HOOK3: variants seen among roughly 807,000 people sequenced by gnomAD.
HOOK3 encodes protein Hook homolog 3.
In HOOK3, 24 loss-of-function variants were observed where a neutral mutation model predicts 116.3. That is an observed-to-expected ratio of 0.21 (90% CI 0.15 to 0.29). The LOEUF is 0.29. Among genes scored for constraint, HOOK3 ranks in the 10% least tolerant of loss-of-function variants. The pLI is 1.00. For missense variants in HOOK3, 632 were observed against 830.2 expected (o/e 0.76, Z 2.93); for synonymous variants, 275 against 283.0 (o/e 0.97, Z 0.28).
chr8:42,979,745 C>T (rs958406070), intron 13 of HOOK3, among the ~76,000 whole-genome samples: 2 of 152,088 alleles, frequency 1.3e-5, no homozygotes, highest in African/African-American at 2.4e-5. Context: ...TTCTCTTTAC[C>T]GTTTCTAGAC....
At chr8:42,978,332 C>G (rs1335383611) in intron 13 of HOOK3, among the ~76,000 whole-genome samples, 1 of 151,858 alleles carries the variant, frequency 6.6e-6, no homozygotes, top group East Asian at 1.9e-4. Flanking sequence ...CAACCTCTGC[C>G]TACCGGGTTC....
At chr8:42,940,076 G>A (rs554516117) in intron 4 of HOOK3, among the ~76,000 whole-genome samples, 66 of 152,256 alleles carry the variant, frequency 4.3e-4, no homozygotes, top group Non-Finnish European at 7.9e-4. Context: ...CTTCCCAGAC[G>A]GGGCGGCGGC....
At chr8:42,952,864 TG>T (rs933908664) in intron 6 of HOOK3, among the ~76,000 whole-genome samples, 1 of 152,188 alleles carries the variant, frequency 6.6e-6, no homozygotes, top group African/African-American at 2.4e-5. Flanking sequence ...TGCTCTCAAG[TG>T]GTCCTGGGTT....
rs138350852 is a variant in HOOK3, at chr8:43,021,559, C to T, written c.*3061C>T. ...CTCGTGATCTACCCACCTCGGCCTC[C>T]CAAAGTGCTGAGATTACAGGCACGA... On this transcript the variant is annotated 3_prime_UTR_variant, in exon 22 of 22. Transcript: ENST00000307602. The T allele has an allele frequency of 1.5e-3, 260 of 178,498 alleles. No individual in the cohort carries two copies. The highest frequency in any genetic ancestry group is 5.9e-3 in the African/African-American group (249 of 42,392). The allele number at this position is 178,498 out of a possible 1,614,324, so 11.1% of individuals were successfully genotyped here.
intron 2 of HOOK3, among the ~76,000 whole-genome samples, chr8:42,907,485 G>A (rs1479522323): frequency 6.6e-6 from 1 of 152,122 alleles, no homozygotes; most frequent in Non-Finnish European, 1.5e-5. Flanking sequence ...GCCCTGGTTT[G>A]AGCACTCTGA....
intron 8 of HOOK3, among the ~76,000 whole-genome samples, chr8:42,959,769 G>A (rs1482163389): frequency 2.2e-5 from 3 of 135,512 alleles, no homozygotes; most frequent in Admixed American, 2.2e-4. Context: ...TAAAGGTAAA[G>A]TTGAGAATAC....
At chr8:42,923,667 G>A (rs1807706373) in intron 2 of HOOK3, among the ~76,000 whole-genome samples, 1 of 152,134 alleles carries the variant, frequency 6.6e-6, no homozygotes. Flanking sequence ...GAGAGAAGAG[G>A]AAACAGGAGT....
At chr8:42,897,277 C>A in intron 1 of HOOK3, 89 bp downstream of exon 1, 1 of 850,392 alleles carries the variant, frequency 1.2e-6, no homozygotes, top group Non-Finnish European at 1.5e-6. Flanking sequence ...GCGAGCGCTG[C>A]GGGCGACGGT....
chr8:42,942,742 C>A (rs991386436), intron 4 of HOOK3, among the ~76,000 whole-genome samples: 1 of 152,180 alleles, frequency 6.6e-6, no homozygotes, highest in African/African-American at 2.4e-5. Context: ...TGATTGGAAT[C>A]TGAGTTGGGG....
intron 11 of HOOK3, 60 bp from the exon 12 acceptor site, chr8:42,973,229 A>C (rs1234452198): frequency 6.5e-7 from 1 of 1,533,000 alleles, no homozygotes; most frequent in African/African-American, 1.4e-5. Context: ...TGTAGAAGAA[A>C]ATAAGGATAA....
rs571015951 is a variant in HOOK3, at chr8:42,943,525, C to T, written c.400+80C>T. ...TATTTTATATTTTATATATAAATCA[C>T]CAGTACCAACAGTAACATCTGTTTA... On this transcript the variant is annotated intron_variant, in intron 5 of 21. Transcript: ENST00000307602. 979 of 934,542 alleles carry T rather than the reference C, an allele frequency of 1.0e-3. 2 individuals are homozygous for T. The highest frequency in any genetic ancestry group is 1.4e-3 in the Non-Finnish European group (948 of 695,222). 57.9% of individuals were successfully genotyped at this position (934,542 alleles called of 1,614,324 possible). A position where few individuals can be genotyped will look rare whatever the true frequency, so the allele number is the denominator to read the frequency against.
At chr8:42,930,375 G>A (rs1586596152) in intron 4 of HOOK3, among the ~76,000 whole-genome samples, 2 of 152,106 alleles carry the variant, frequency 1.3e-5, no homozygotes, top group African/African-American at 2.4e-5. Context: ...TGTATTATAG[G>A]TAGTTTGTAG....
rs71231878 is a variant in HOOK3 at position 42,953,255 on chromosome 8, T to TAA, written c.468+2818_468+2819dup. 1.1e-3 allele frequency among the ~76,000 whole-genome samples: 123 copies of TAA among 107,414 alleles called. 1 individual carries two copies. The highest frequency in any genetic ancestry group is 2.7e-3 in the Admixed American group (28 of 10,548). 70.5% of individuals were successfully genotyped at this position (107,414 alleles called of 152,430 possible). A position where few individuals can be genotyped will look rare whatever the true frequency, so the allele number is the denominator to read the frequency against. ...TAATTCTACTTTTAGGAGTTTATCC[T>TAA]AAAAAAAAAAAAAAAAAAAGTAAAA... On this transcript the variant is annotated intron_variant, in intron 6 of 21. Transcript: ENST00000307602.
At chr8:42,936,329 C>T (rs950676937) in intron 4 of HOOK3, among the ~76,000 whole-genome samples, 6 of 152,190 alleles carry the variant, frequency 3.9e-5, no homozygotes, top group African/African-American at 1.2e-4. Flanking sequence ...ATCATGTCAT[C>T]TGCAAACAGA....
chr8:42,974,024 A>G, intron 12 of HOOK3, 83 bp from the exon 13 acceptor site: 2 of 904,572 alleles, frequency 2.2e-6, no homozygotes, highest in Non-Finnish European at 3.6e-6. Flanking sequence ...ATTGTTTATC[A>G]TTCTATTAGG....
intron 2 of HOOK3, among the ~76,000 whole-genome samples, chr8:42,907,290 A>G (rs1422206161): frequency 1.3e-5 from 2 of 152,242 alleles, no homozygotes; most frequent in Admixed American, 1.3e-4. Flanking sequence ...GAGTTGCCAT[A>G]GAGCTCAGAT....
chr8:43,012,215 A>C (rs1451823309), intron 19 of HOOK3, among the ~76,000 whole-genome samples: 1 of 152,236 alleles, frequency 6.6e-6, no homozygotes, highest in East Asian at 1.9e-4. Flanking sequence ...GTCATTGTGC[A>C]AACATTGTAG....
intron 2 of HOOK3, among the ~76,000 whole-genome samples, chr8:42,924,887 C>T (rs1015354439): frequency 2.6e-5 from 4 of 151,292 alleles, no homozygotes; most frequent in Non-Finnish European, 2.9e-5. Flanking sequence ...GCGGGAGAAT[C>T]GCTTAAACCT....
chr8:42,924,307 T>TCCTC (rs1208722433), intron 2 of HOOK3, among the ~76,000 whole-genome samples: 15 of 151,920 alleles, frequency 9.9e-5, no homozygotes, highest in African/African-American at 1.4e-4. Context: ...AAAAGTTTTG[T>TCCTC]CCTCCCTCCC....
Sources: allele counts gnomAD v4.1 joint callset (sites outside exome capture counted in the v4.1 genomes callset), GRCh38; gene constraint gnomAD v4.1.1; transcripts MANE v1.5; gene names NCBI Gene and HGNC (gene_info 2026-07-23, HGNC 2026-07-21).